The following GANC variants were observed in gnomAD, a reference collection of about 807,000 sequenced individuals.
GANC encodes the protein neutral alpha-glucosidase C.
A neutral mutation model predicts 124.2 loss-of-function variants in GANC; 117 were observed. The ratio of observed to expected loss-of-function variants is 0.94; its 90% CI spans 0.81 to 1.10. GANC has a LOEUF of 1.10. GANC is among the 50% of genes least tolerant of loss of function. The probability of loss-of-function intolerance (pLI) is 0.00; values close to 1 mark genes in which losing one functional copy is unlikely to be tolerated. For synonymous variants in GANC, 377 were observed against 376.8 expected (o/e 1.00, Z -0.01); for missense variants, 1,140 against 1,095.0 (o/e 1.04, Z -0.58).
At chr15:42,325,960 G>A (rs1029721099) in intron 11 of GANC, among the ~76,000 whole-genome samples, 6 of 152,268 alleles carry the variant, frequency 3.9e-5, no homozygotes, top group East Asian at 1.9e-4. Flanking sequence ...GTTCCACTAT[G>A]TTGCCCAGGC....
intron 19 of GANC, among the ~76,000 whole-genome samples, chr15:42,344,418 C>G (rs779952635): frequency 7.2e-5 from 11 of 152,152 alleles, no homozygotes; most frequent in Non-Finnish European, 1.3e-4. Flanking sequence ...CTCTGTCTAT[C>G]TCTTATAAGG....
At chr15:42,304,328 A>G (rs780132356) in intron 6 of GANC, among the ~76,000 whole-genome samples, 2 of 152,218 alleles carry the variant, frequency 1.3e-5, no homozygotes, top group Admixed American at 1.3e-4. Flanking sequence ...AACGCAATGT[A>G]CCAGAATCTC....
At position 42,352,223 on chromosome 15, in the gene GANC, C is replaced by T. The variant is rs975177478; in HGVS notation, c.*84C>T. 5 of 1,571,766 alleles carry T rather than the reference C, an allele frequency of 3.2e-6. No homozygotes were observed. The highest frequency in any genetic ancestry group is 2.7e-5 in the African/African-American group (2 of 73,984). On this transcript the variant is annotated 3_prime_UTR_variant, in exon 24 of 24. Coordinates refer to ENST00000318010, the MANE Select transcript of GANC (RefSeq NM_198141.3). Reference sequence around the variant, plus strand: ...CTCACCTTTTTTGAGATTTTTGCTGCAATCTGTTTGCCTTCCCTGAATCAA... The same window carrying T: ...CTCACCTTTTTTGAGATTTTTGCTGTAATCTGTTTGCCTTCCCTGAATCAA...
chr15:42,346,261 G>A (rs897004601), intron 20 of GANC, among the ~76,000 whole-genome samples: 12 of 152,160 alleles, frequency 7.9e-5, no homozygotes, highest in African/African-American at 2.9e-4. Flanking sequence ...GTGTTCCTCT[G>A]TAAAAAGAAC....
chr15:42,288,793 G>A (rs1355163777), intron 4 of GANC, among the ~76,000 whole-genome samples: 2 of 152,082 alleles, frequency 1.3e-5, no homozygotes, highest in Non-Finnish European at 2.9e-5. Flanking sequence ...CAAAGTGTTG[G>A]GGTTATCGGC....
intron 12 of GANC, 81 bp from the exon 13 acceptor site, chr15:42,327,282 A>G: frequency 9.5e-7 from 1 of 1,056,322 alleles, no homozygotes; most frequent in Non-Finnish European, 1.4e-6. Flanking sequence ...CCCAGCTCTC[A>G]CATCTGATAC....
At chr15:42,334,108 C>T (rs1031053510) in intron 15 of GANC, among the ~76,000 whole-genome samples, 4 of 151,966 alleles carry the variant, frequency 2.6e-5, no homozygotes, top group Non-Finnish European at 5.9e-5. Flanking sequence ...AAAAAATTAA[C>T]TCATTTTAAA....
rs1006881144 is a variant in GANC at position 42,274,312 on chromosome 15, A to G, written c.-170A>G. The G allele has an allele frequency of 8.9e-6, 6 of 677,932 alleles. No individual in the cohort carries two copies. In the Admixed American group the frequency reaches 9.1e-5, roughly 10 times the overall value. The allele number at this position is 677,932 out of a possible 1,614,324, so 42.0% of individuals were successfully genotyped here. ...TTTGGGCCTGAAAAATTCCAGGAGC[A>G]AGAGTCAAGATTTGTCACTCCATGA... On this transcript the variant is annotated 5_prime_UTR_variant, in exon 1 of 24. Coordinates refer to ENST00000318010, the MANE Select transcript of GANC (RefSeq NM_198141.3).
At chr15:42,342,915 T>C (rs2052337696) in intron 18 of GANC, among the ~76,000 whole-genome samples, 163 bp from the exon 19 acceptor site, 1 of 152,156 alleles carries the variant, frequency 6.6e-6, no homozygotes, top group African/African-American at 2.4e-5. Flanking sequence ...TTTCTATCAG[T>C]GCATCTCTCT....
chr15:42,324,725 A>G (rs1299558478), intron 11 of GANC, among the ~76,000 whole-genome samples: 3 of 152,210 alleles, frequency 2.0e-5, no homozygotes, highest in East Asian at 3.8e-4. Context: ...GATTCCACTA[A>G]TTTGAAGTAA....
At chr15:42,296,116 G>A (rs1411905761) in intron 5 of GANC, among the ~76,000 whole-genome samples, 1 of 150,458 alleles carries the variant, frequency 6.6e-6, no homozygotes, top group African/African-American at 2.5e-5. Context: ...TGCTCCAGGC[G>A]GGGCGACAAG....
chr15:42,342,842 C>T (rs1041526082), intron 18 of GANC, among the ~76,000 whole-genome samples: 1 of 152,172 alleles, frequency 6.6e-6, no homozygotes, highest in Non-Finnish European at 1.5e-5. Flanking sequence ...TCTCAGTATA[C>T]CCAGAGTGCA....
intron 2 of GANC, chr15:42,277,970 CA>C: frequency 5.4e-6 from 1 of 184,778 alleles, no homozygotes; most frequent in South Asian, 5.7e-5. Flanking sequence ...CTGAAATAAT[CA>C]AAAATTGTAT....
chr15:42,334,511 A>G (rs1473911274), intron 15 of GANC, among the ~76,000 whole-genome samples: 1 of 152,234 alleles, frequency 6.6e-6, no homozygotes, highest in East Asian at 1.9e-4. Context: ...CTTAGAAAGA[A>G]CACAAAAAGC....
chr15:42,295,753 T>G (rs1320757232), intron 5 of GANC, among the ~76,000 whole-genome samples: 2 of 151,300 alleles, frequency 1.3e-5, no homozygotes, highest in African/African-American at 2.4e-5. Context: ...AGCTTAGAAG[T>G]CACTACTCCA....
chr15:42,316,368 T>C (rs574453167), intron 10 of GANC, among the ~76,000 whole-genome samples: 2 of 152,152 alleles, frequency 1.3e-5, no homozygotes, highest in South Asian at 2.1e-4. Flanking sequence ...CTGATATTTA[T>C]TGCATACAAG....
chr15:42,295,491 A>G (rs926540825), intron 5 of GANC, among the ~76,000 whole-genome samples: 1 of 152,168 alleles, frequency 6.6e-6, no homozygotes, highest in African/African-American at 2.4e-5. Flanking sequence ...AAAATAGAAG[A>G]AAATATAAAA....
intron 11 of GANC, among the ~76,000 whole-genome samples, chr15:42,325,815 A>G (rs1338750582): frequency 6.6e-6 from 1 of 152,152 alleles, no homozygotes; most frequent in Non-Finnish European, 1.5e-5. Context: ...GGATTGCAGT[A>G]TCATGATCAT....
At chr15:42,315,263 A>T (rs575832127) in intron 10 of GANC, among the ~76,000 whole-genome samples, 713 of 22,522 alleles carry the variant, frequency 0.032, 2 homozygotes, top group African/African-American at 0.038. Context: ...AATGGAAAAT[A>T]AATAAATAAA....
Sources: gnomAD v4.1 joint callset for allele counts (sites outside exome capture counted in the v4.1 genomes callset) on GRCh38, gnomAD v4.1.1 for gene constraint, MANE v1.5 for transcripts, NCBI Gene and HGNC (gene_info 2026-07-23, HGNC 2026-07-21) for gene names.